The following ARID2 variants were observed in gnomAD, a reference collection of about 807,000 sequenced individuals.
The protein encoded by ARID2 is AT-rich interaction domain 2.
ARID2 carries 32 observed loss-of-function variants against 184.6 expected under a neutral mutation model. The ratio of observed to expected loss-of-function variants is 0.17; its 90% CI spans 0.13 to 0.23. The LOEUF (loss-of-function observed/expected upper bound fraction) is 0.23. Among genes scored for constraint, ARID2 ranks in the 10% least tolerant of loss-of-function variants. ARID2 has a pLI of 1.00. For synonymous variants in ARID2, 836 were observed against 772.6 expected (o/e 1.08, Z -1.36); for missense variants, 1,696 against 2,197.6 (o/e 0.77, Z 4.56).
chr12:45,872,670 C>G (rs553348059), intron 16 of ARID2, among the ~76,000 whole-genome samples: 1 of 152,188 alleles, frequency 6.6e-6, no homozygotes, highest in African/African-American at 2.4e-5. Context: ...AACAGCAGCA[C>G]GGGCGTAACC....
intron 3 of ARID2, among the ~76,000 whole-genome samples, chr12:45,759,278 T>C (rs980949086): frequency 6.6e-6 from 1 of 152,170 alleles, no homozygotes; most frequent in African/African-American, 2.4e-5. Context: ...ATTGAGTTTT[T>C]AAATTGGTGA....
At chr12:45,827,039 T>C (rs963126049) in intron 6 of ARID2, among the ~76,000 whole-genome samples, 1 of 152,042 alleles carries the variant, frequency 6.6e-6, no homozygotes, top group Non-Finnish European at 1.5e-5. Flanking sequence ...TTAGATTGTT[T>C]CCATTTCTTC....
intron 2 of ARID2, among the ~76,000 whole-genome samples, chr12:45,730,882 T>A (rs1940979288): frequency 6.7e-6 from 1 of 149,288 alleles, no homozygotes; most frequent in Non-Finnish European, 1.5e-5. Context: ...ACTTTTTTTT[T>A]TTTTTTTTTT....
intron 3 of ARID2, among the ~76,000 whole-genome samples, chr12:45,763,402 G>A (rs1565586898): frequency 6.6e-6 from 1 of 151,934 alleles, no homozygotes; most frequent in Non-Finnish European, 1.5e-5. Flanking sequence ...CCCAGGAGGC[G>A]GAGGTTGCAG....
At position 45,852,105 on chromosome 12, in the gene ARID2, T is replaced by C. The variant is rs764485692; in HGVS notation, c.3982T>C (p.Leu1328=). 2.3e-5 allele frequency: 37 copies of C among 1,613,966 alleles called. No individual in the cohort carries two copies. Among genetic ancestry groups the C allele is most frequent in the Non-Finnish European group, 2.9e-5 (34 of 1,180,010 alleles). ...CTCACTAATCAGTAATGGGCCATCA[T>C]TGGAATTAGGTGAGAATGGAGCATC... ...QCSLISNGPS[L]ELGENGASGK... The change falls in exon 15 of 21, where the codon TTG becomes CTG. Residue 1328 remains leucine (L), a synonymous_variant. Transcript: ENST00000334344.
chr12:45,852,924 T>A (rs1186699325), intron 15 of ARID2, 28 bp downstream of exon 15: 6 of 1,514,678 alleles, frequency 4.0e-6, no homozygotes, highest in Non-Finnish European at 4.4e-6. Flanking sequence ...CACATTTCTC[T>A]TATGAAATTT....
At chr12:45,808,635 A>G (rs1201104510) in intron 3 of ARID2, among the ~76,000 whole-genome samples, 2 of 151,942 alleles carry the variant, frequency 1.3e-5, no homozygotes, top group African/African-American at 4.8e-5. Flanking sequence ...CTTACGTTCC[A>G]TTTTGGGTGT....
intron 11 of ARID2, among the ~76,000 whole-genome samples, chr12:45,843,526 C>G (rs1035222888): frequency 3.3e-5 from 5 of 151,912 alleles, no homozygotes; most frequent in African/African-American, 4.8e-5. Context: ...ACCACCACAC[C>G]CAGCTAATTT....
rs191564267 is a variant in ARID2, at chr12:45,731,640, T to C, written c.284+326T>C. Among the ~76,000 whole-genome samples the C allele has an allele frequency of 9.3e-4, 141 of 152,310 alleles. 2 individuals carry two copies. The highest frequency in any genetic ancestry group is 2.6e-3 in the African/African-American group (109 of 41,566). Reference sequence around the variant, plus strand: ...AGAAAGGTGATGCTTAGTAAAAGACTTAAGATAGTTAATGAAACTTTGTAA... The same window carrying C: ...AGAAAGGTGATGCTTAGTAAAAGACCTAAGATAGTTAATGAAACTTTGTAA... On this transcript the variant is annotated intron_variant, in intron 3 of 20. Transcript: ENST00000334344.
intron 3 of ARID2, among the ~76,000 whole-genome samples, chr12:45,781,561 A>G (rs1055106738): frequency 1.3e-5 from 2 of 151,098 alleles, no homozygotes; most frequent in South Asian, 2.1e-4. Flanking sequence ...AAGTTGAGGA[A>G]CCTCCACTTT....
At chr12:45,789,421 TGTG>T (rs923247301) in intron 3 of ARID2, 1 of 152,350 alleles carries the variant, frequency 6.6e-6, no homozygotes, top group Non-Finnish European at 1.5e-5. Context: ...TGTCAAAAGA[TGTG>T]GTCTGCGTGA....
intron 15 of ARID2, among the ~76,000 whole-genome samples, chr12:45,859,606 G>T (rs1211706109): frequency 1.3e-5 from 2 of 152,066 alleles, no homozygotes; most frequent in African/African-American, 2.4e-5. Flanking sequence ...GGTATTTCAA[G>T]AAAATATATT....
At chr12:45,800,180 T>C (rs1339592356) in intron 3 of ARID2, among the ~76,000 whole-genome samples, 1 of 152,018 alleles carries the variant, frequency 6.6e-6, no homozygotes, top group Non-Finnish European at 1.5e-5. Context: ...AATAGACTCA[T>C]AGATAGTTAA....
chr12:45,729,858 G>T lies in ARID2; in HGVS notation c.22G>T (p.Ala8Ser), dbSNP rs1374980785. The change falls in exon 1 of 21, where the codon GCG (alanine) becomes TCG (serine). Residue 8 changes from alanine to serine, a missense_variant. By Grantham distance (99) the Ala-to-Ser change is moderately conservative (BLOSUM62 1). Transcript: ENST00000334344. ...AATAATGGCAAACTCGACGGGGAAG[G>T]CGCCTCCGGACGAGCGGAGAAAGGG... MANSTGK[A>S]PPDERRKGLA... The T allele has an allele frequency of 1.2e-6, 2 of 1,611,348 alleles. No individual in the cohort carries two copies. Among genetic ancestry groups the T allele is most frequent in the Non-Finnish European group, 1.7e-6 (2 of 1,179,086 alleles).
At chr12:45,737,620 G>A (rs765789070) in intron 3 of ARID2, among the ~76,000 whole-genome samples, 13 of 151,524 alleles carry the variant, frequency 8.6e-5, no homozygotes, top group Non-Finnish European at 7.4e-5. Context: ...TTTTAGTGAT[G>A]CTAAGATTGA....
intron 7 of ARID2, 32 bp downstream of exon 7, chr12:45,836,687 C>G (rs1252650850): frequency 6.2e-7 from 1 of 1,601,028 alleles, no homozygotes; most frequent in East Asian, 2.2e-5. Flanking sequence ...TTTTCAAAAC[C>G]TTTGAAGTAT....
chr12:45,821,251 T>C (rs985872157), intron 5 of ARID2, among the ~76,000 whole-genome samples, 169 bp from the exon 6 acceptor site: 2 of 152,166 alleles, frequency 1.3e-5, no homozygotes, highest in Non-Finnish European at 2.9e-5. Context: ...CTAAAAACAA[T>C]GTATTTCAAA....
intron 4 of ARID2, among the ~76,000 whole-genome samples, chr12:45,812,992 A>G (rs528713501): frequency 1.3e-5 from 2 of 152,318 alleles, no homozygotes; most frequent in African/African-American, 4.8e-5. Context: ...CTGCTTTGAG[A>G]AAGATCATGT....
chr12:45,891,968 A>G (rs2138232920), intron 17 of ARID2, 43 bp from the exon 18 acceptor site: 5 of 1,614,094 alleles, frequency 3.1e-6, no homozygotes, highest in Middle Eastern at 1.6e-4. Context: ...ACTGCATTAA[A>G]GATTTTGACG....
Sources: gnomAD v4.1 joint callset for allele counts (sites outside exome capture counted in the v4.1 genomes callset) on GRCh38, gnomAD v4.1.1 for gene constraint, MANE v1.5 for transcripts, NCBI Gene and HGNC (gene_info 2026-07-23, HGNC 2026-07-21) for gene names.